MTCL2: variants seen among roughly 807,000 people sequenced by gnomAD.
MTCL2 encodes microtubule cross-linking factor 2.
chr20:36,823,429 T>C, the MTCL2 span, among the ~76,000 whole-genome samples: 6 of 152,350 alleles, frequency 3.9e-5, no homozygotes, highest in Admixed American at 6.5e-5. Context: ...TAATAAGTCC[T>C]TAGTCTGTGT....
chr20:36,800,839 C>T, the MTCL2 span, among the ~76,000 whole-genome samples: 1 of 152,138 alleles, frequency 6.6e-6, no homozygotes, highest in African/African-American at 2.4e-5. Flanking sequence ...CAAAAAGGGC[C>T]TTCTTGTCCT....
the MTCL2 span, chr20:36,862,997 G>A: frequency 2.1e-6 from 3 of 1,406,440 alleles, no homozygotes; most frequent in African/African-American, 1.5e-5. Flanking sequence ...TGCTATCCGT[G>A]AGGCTGGGGG....
the MTCL2 span, chr20:36,778,088 C>G: frequency 1.7e-5 from 7 of 404,542 alleles, no homozygotes; most frequent in Admixed American, 2.8e-4. Flanking sequence ...TTTGTAAAAC[C>G]AAGACAAGTG....
chr20:36,814,693 C>T, the MTCL2 span, among the ~76,000 whole-genome samples: 1 of 152,160 alleles, frequency 6.6e-6, no homozygotes, highest in African/African-American at 2.4e-5. Context: ...TCGAGACCAG[C>T]CTGGCCAACA....
At chr20:36,802,008 G>A in the MTCL2 span, among the ~76,000 whole-genome samples, 22 of 149,774 alleles carry the variant, frequency 1.5e-4, no homozygotes, top group African/African-American at 4.7e-4. Flanking sequence ...AAGTAAGGCC[G>A]GGCATGGTGG....
the MTCL2 span, among the ~76,000 whole-genome samples, chr20:36,822,759 CT>C: frequency 0.075 from 10,614 of 141,044 alleles, 882 homozygotes; most frequent in African/African-American, 0.22. Context: ...ACTCTAGATT[CT>C]TTTTTTTTTT....
chr20:36,843,474 A>T, the MTCL2 span, among the ~76,000 whole-genome samples: 1 of 128,452 alleles, frequency 7.8e-6, no homozygotes, highest in Non-Finnish European at 1.6e-5. Context: ...CCCCACCAGC[A>T]TACCACGTGG....
the MTCL2 span, among the ~76,000 whole-genome samples, chr20:36,820,099 G>A: frequency 1.3e-5 from 2 of 152,216 alleles, no homozygotes; most frequent in African/African-American, 4.8e-5. Context: ...ATTACAAGCT[G>A]AGTGGGAAGG....
the MTCL2 span, among the ~76,000 whole-genome samples, chr20:36,857,741 G>A: frequency 6.6e-6 from 1 of 152,160 alleles, no homozygotes; most frequent in East Asian, 1.9e-4. Context: ...TGGCCACTGG[G>A]TCCAGACACC....
chr20:36,805,473 C>A, the MTCL2 span, among the ~76,000 whole-genome samples: 1 of 152,258 alleles, frequency 6.6e-6, no homozygotes, highest in East Asian at 1.9e-4. Flanking sequence ...AGCCTGATAT[C>A]CTTACCCTTA....
the MTCL2 span, among the ~76,000 whole-genome samples, chr20:36,813,313 TAA>T: frequency 9.5e-5 from 4 of 41,900 alleles, no homozygotes; most frequent in Admixed American, 4.6e-4. Context: ...ACTGTTTCTT[TAA>T]AAAAAAAAAA....
the MTCL2 span, among the ~76,000 whole-genome samples, chr20:36,791,566 A>T: frequency 1.6e-4 from 24 of 152,276 alleles, no homozygotes; most frequent in Non-Finnish European, 1.5e-5. Context: ...AGCAGACCAC[A>T]TGGTACCACT....
the MTCL2 span, among the ~76,000 whole-genome samples, chr20:36,803,671 T>C: frequency 6.6e-6 from 1 of 151,724 alleles, no homozygotes; most frequent in African/African-American, 2.4e-5. Context: ...AAGGTGGAAT[T>C]GGGGCCGGGA....
the MTCL2 span, among the ~76,000 whole-genome samples, chr20:36,801,458 C>T: frequency 3.8e-4 from 58 of 151,682 alleles, no homozygotes; most frequent in African/African-American, 1.4e-3. Context: ...GAAAGAAAGG[C>T]CCAGCGACTC....
chr20:36,798,072 ATTT>A, the MTCL2 span, among the ~76,000 whole-genome samples: 1 of 142,754 alleles, frequency 7.0e-6, no homozygotes, highest in African/African-American at 2.6e-5. Flanking sequence ...ACATTAGTTA[ATTT>A]TTTTTTTTTT....
At chr20:36,854,934 G>C in the MTCL2 span, among the ~76,000 whole-genome samples, 1 of 152,142 alleles carries the variant, frequency 6.6e-6, no homozygotes, top group African/African-American at 2.4e-5. Flanking sequence ...GGAGGGAAGG[G>C]GGGACACAGA....
At chr20:36,857,901 TC>T in the MTCL2 span, among the ~76,000 whole-genome samples, 2 of 152,068 alleles carry the variant, frequency 1.3e-5, no homozygotes, top group African/African-American at 4.8e-5. Context: ...TTGAAAAGGG[TC>T]CTCACGGCCC....
the MTCL2 span, chr20:36,786,555 G>A: frequency 6.4e-7 from 1 of 1,551,310 alleles, no homozygotes; most frequent in Non-Finnish European, 8.7e-7. Context: ...CCTGCACTTG[G>A]AAGGAGAGTG....
chr20:36,819,298 T>C, the MTCL2 span, among the ~76,000 whole-genome samples: 1 of 152,190 alleles, frequency 6.6e-6, no homozygotes, highest in African/African-American at 2.4e-5. Context: ...CTTTTCAAGG[T>C]GGGCTGGTAT....
Sources: allele counts gnomAD v4.1 joint callset (sites outside exome capture counted in the v4.1 genomes callset), GRCh38; gene constraint gnomAD v4.1.1; transcripts MANE v1.5; gene names NCBI Gene and HGNC (gene_info 2026-07-23, HGNC 2026-07-21).